MYLK: variants seen among roughly 807,000 people sequenced by gnomAD.
MYLK encodes the protein myosin light chain kinase, also known as myosin light chain kinase, smooth muscle.
Under a neutral mutation model 203.4 loss-of-function variants are expected in MYLK, and 106 were observed. The ratio of observed to expected loss-of-function variants is 0.52; its 90% CI spans 0.45 to 0.61. The LOEUF (loss-of-function observed/expected upper bound fraction) is 0.61. Ranked by LOEUF, MYLK falls within the 20% of genes least tolerant of loss-of-function variation. The pLI, the probability that MYLK is intolerant of heterozygous loss-of-function variation, is 0.00. For missense variants in MYLK, 2,072 were observed against 2,442.3 expected (o/e 0.85, Z 3.20); for synonymous variants, 867 against 959.5 (o/e 0.90, Z 1.78).
intron 4 of MYLK, among the ~76,000 whole-genome samples, chr3:123,772,314 ACT>A (rs2063909642): frequency 1.3e-5 from 2 of 152,094 alleles, no homozygotes; most frequent in African/African-American, 2.4e-5. Flanking sequence ...GCTAAAACAA[ACT>A]CTATACATAA....
chr3:123,673,104 T>G (rs2059964849), intron 20 of MYLK, among the ~76,000 whole-genome samples: 1 of 152,064 alleles, frequency 6.6e-6, no homozygotes, highest in Non-Finnish European at 1.5e-5. Context: ...TGTAAAGAGT[T>G]AAGCTACATT....
At chr3:123,875,587 C>T (rs1178465640) in intron 2 of MYLK, among the ~76,000 whole-genome samples, 1 of 152,106 alleles carries the variant, frequency 6.6e-6, no homozygotes, top group African/African-American at 2.4e-5. Flanking sequence ...AACTGAACTT[C>T]CTCATAATTA....
At chr3:123,740,747 A>G (rs978958723) in intron 5 of MYLK, among the ~76,000 whole-genome samples, 2 of 152,098 alleles carry the variant, frequency 1.3e-5, no homozygotes, top group African/African-American at 4.8e-5. Context: ...GTCCTGGGCA[A>G]GGCGCTGCTA....
intron 5 of MYLK, 130 bp downstream of exon 5, chr3:123,752,201 G>A: frequency 1.0e-6 from 1 of 969,656 alleles, no homozygotes; most frequent in Non-Finnish European, 1.7e-6. Flanking sequence ...AAGGTCCGGG[G>A]TTCAAGGATG....
intron 31 of MYLK, chr3:123,622,957 G>T (rs2057951233): frequency 1.3e-5 from 2 of 152,160 alleles, no homozygotes; most frequent in Non-Finnish European, 2.9e-5. Context: ...TGTGTCGCTG[G>T]TGAGCAGTAT....
At chr3:123,709,388 C>T (rs1267900232) in intron 14 of MYLK, 1 of 308,708 alleles carries the variant, frequency 3.2e-6, no homozygotes, top group Non-Finnish European at 6.3e-6. Flanking sequence ...TGATCTGCTG[C>T]CTCGGCCTCA....
In MYLK at chr3:123,841,509, G is replaced by C. The variant is rs142584713; in HGVS notation, c.-126-9839C>G. Among the ~76,000 whole-genome samples the C allele has an allele frequency of 1.5e-3, 232 of 152,184 alleles. 1 individual carries two copies. The highest frequency in any genetic ancestry group is 0.014 in the Middle Eastern group (4 of 294). ...ACTCTAAAGAAGCTGATAAGTGATAGCTTAGTCCTTGCCTCATTAATACCT... is the reference window on the plus strand; with the variant it reads ...ACTCTAAAGAAGCTGATAAGTGATACCTTAGTCCTTGCCTCATTAATACCT... On this transcript the variant is annotated intron_variant, in intron 2 of 33. Coordinates refer to ENST00000360304, the MANE Select transcript of MYLK (RefSeq NM_053025.4).
At chr3:123,655,294 T>C (rs2059357676) in intron 24 of MYLK, among the ~76,000 whole-genome samples, 1 of 152,182 alleles carries the variant, frequency 6.6e-6, no homozygotes, top group South Asian at 2.1e-4. Flanking sequence ...CCCTGTTTCT[T>C]TGAGACTCCA....
rs1353584866 is a variant in MYLK at position 123,735,159 on chromosome 3, C to T, written c.773+239G>A. ...AACCAGAGAAGAGACTGTGTAGATA[C>T]TGTGAAAGGTGGCAACACTGAGTTT... On this transcript the variant is annotated intron_variant, in intron 9 of 33. Coordinates refer to ENST00000360304, the MANE Select transcript of MYLK (RefSeq NM_053025.4). 7.0e-6 allele frequency: 4 copies of T among 568,518 alleles called. No individual in the cohort carries two copies. In the East Asian group the frequency reaches 1.3e-4, roughly 19 times the overall value. 35.2% of individuals were successfully genotyped at this position (568,518 alleles called of 1,614,324 possible). A position where few individuals can be genotyped will look rare whatever the true frequency, so the allele number is the denominator to read the frequency against.
chr3:123,626,602 G>A (rs754936308), intron 31 of MYLK, among the ~76,000 whole-genome samples: 1 of 152,196 alleles, frequency 6.6e-6, no homozygotes, highest in Non-Finnish European at 1.5e-5. Context: ...AGACAGCTAA[G>A]CTAAGAATCC....
chr3:123,794,670 T>C (rs1576998393), intron 3 of MYLK, among the ~76,000 whole-genome samples: 1 of 152,134 alleles, frequency 6.6e-6, no homozygotes. Context: ...CTGGCAAGGG[T>C]AGCAGAACAA....
At chr3:123,803,962 G>A (rs1436784741) in intron 3 of MYLK, among the ~76,000 whole-genome samples, 1 of 152,064 alleles carries the variant, frequency 6.6e-6, no homozygotes, top group Non-Finnish European at 1.5e-5. Flanking sequence ...AGGGGAAAAA[G>A]GAGAAAAAGA....
intron 4 of MYLK, among the ~76,000 whole-genome samples, chr3:123,777,337 T>A (rs2064116737): frequency 6.6e-6 from 1 of 152,270 alleles, no homozygotes; most frequent in Non-Finnish European, 1.5e-5. Flanking sequence ...AAATCTGTGC[T>A]TTCTATTCTT....
At chr3:123,860,812 T>C (rs543774172) in intron 2 of MYLK, among the ~76,000 whole-genome samples, 5 of 152,106 alleles carry the variant, frequency 3.3e-5, no homozygotes, top group Non-Finnish European at 7.4e-5. Flanking sequence ...GTAAAATGCA[T>C]AGGGGGCCAT....
intron 11 of MYLK, among the ~76,000 whole-genome samples, chr3:123,727,296 G>A (rs575831294): frequency 3.2e-4 from 49 of 152,178 alleles, no homozygotes; most frequent in African/African-American, 1.0e-3. Context: ...CAGAAGGTGT[G>A]GGGAGGCACC....
At chr3:123,867,423 A>G (rs1315798159) in intron 2 of MYLK, among the ~76,000 whole-genome samples, 1 of 138,242 alleles carries the variant, frequency 7.2e-6, no homozygotes, top group Non-Finnish European at 1.5e-5. Flanking sequence ...CTAGTATCCA[A>G]AAAAAAAAAA....
intron 5 of MYLK, among the ~76,000 whole-genome samples, chr3:123,742,782 T>C: frequency 6.6e-6 from 1 of 152,232 alleles, no homozygotes; most frequent in East Asian, 1.9e-4. Context: ...TGAAGTATTA[T>C]TCAGCTGTAA....
intron 4 of MYLK, among the ~76,000 whole-genome samples, chr3:123,761,347 T>C (rs1576881742): frequency 6.6e-6 from 1 of 152,290 alleles, no homozygotes; most frequent in South Asian, 2.1e-4. Context: ...CTGCAGCCTG[T>C]CTCTGTGACC....
intron 5 of MYLK, among the ~76,000 whole-genome samples, chr3:123,749,423 G>A (rs1342089305): frequency 2.6e-5 from 4 of 152,180 alleles, no homozygotes; most frequent in Non-Finnish European, 4.4e-5. Flanking sequence ...CCTGACCTCT[G>A]GAGGTGGGCA....
Sources: gnomAD v4.1 joint callset for allele counts (sites outside exome capture counted in the v4.1 genomes callset) on GRCh38, gnomAD v4.1.1 for gene constraint, MANE v1.5 for transcripts, NCBI Gene and HGNC (gene_info 2026-07-23, HGNC 2026-07-21) for gene names.